ZNF445: variants seen among roughly 807,000 people sequenced by gnomAD.
The protein encoded by ZNF445 is zinc finger protein 168.
In ZNF445, 19 loss-of-function variants were observed where a neutral mutation model predicts 93.9. The observed-to-expected ratio is 0.20, with a 90% confidence interval of 0.14 to 0.30. The LOEUF is 0.30. Ranked by LOEUF, ZNF445 falls within the 10% of genes least tolerant of loss-of-function variation. ZNF445 has a pLI of 1.00. For missense variants in ZNF445, 1,058 were observed against 1,259.4 expected (o/e 0.84, Z 2.42); for synonymous variants, 449 against 446.3 (o/e 1.01, Z -0.08).
At chr3:44,473,577 C>A (rs1164646227) in intron 1 of ZNF445, among the ~76,000 whole-genome samples, 5 of 151,280 alleles carry the variant, frequency 3.3e-5, no homozygotes, top group African/African-American at 1.2e-4. Context: ...AATGGGAGTG[C>A]CCAAAATTTG....
intron 1 of ZNF445, among the ~76,000 whole-genome samples, chr3:44,477,165 A>G (rs1366903162): frequency 6.6e-6 from 1 of 152,216 alleles, no homozygotes; most frequent in Non-Finnish European, 1.5e-5. Flanking sequence ...AAGCAAGAGC[A>G]CGCTCTCATT....
chr3:44,475,964 A>G (rs1463010513), intron 1 of ZNF445, among the ~76,000 whole-genome samples: 1 of 152,208 alleles, frequency 6.6e-6, no homozygotes, highest in South Asian at 2.1e-4. Flanking sequence ...GCACCACTGC[A>G]CTCCAGCCTG....
intron 2 of ZNF445, among the ~76,000 whole-genome samples, chr3:44,456,451 CA>C (rs1462997844): frequency 6.6e-6 from 1 of 151,848 alleles, no homozygotes; most frequent in African/African-American, 2.4e-5. Flanking sequence ...CAAACAAAAC[CA>C]AAAAACAATT....
At chr3:44,466,204 A>T (rs1698192639) in intron 1 of ZNF445, among the ~76,000 whole-genome samples, 1 of 152,092 alleles carries the variant, frequency 6.6e-6, no homozygotes, top group Non-Finnish European at 1.5e-5. Context: ...TTTTGGAGTT[A>T]TCATTTTGGC....
chr3:44,453,701 G>T (rs1697987110), intron 3 of ZNF445, among the ~76,000 whole-genome samples: 1 of 152,186 alleles, frequency 6.6e-6, no homozygotes, highest in East Asian at 1.9e-4. Context: ...CAGGAGAAGG[G>T]CAGGAAGAAC....
rs1559389908 is a variant in ZNF445 at position 44,446,356 on chromosome 3, G to A, written c.*219C>T. ...CCACTCCTAGGGGCCGGAGTCTCCA[G>A]AAGGGCTCCAAAGGACATGGTGCTG... On this transcript the variant is annotated 3_prime_UTR_variant, in exon 8 of 8. Coordinates refer to ENST00000396077, the MANE Select transcript of ZNF445 (RefSeq NM_181489.6). This position sits in a 1 kb window ranked among gnomAD's most constrained non-coding sequence, Gnocchi z 4.2. The A allele has an allele frequency of 4.8e-6, 3 of 627,968 alleles. No individual in the cohort carries two copies. The Admixed American group carries it at 9.3e-5, about 19-fold the overall frequency. The allele number at this position is 627,968 out of a possible 1,614,324, so 38.9% of individuals were successfully genotyped here.
intron 1 of ZNF445, among the ~76,000 whole-genome samples, chr3:44,473,353 C>T (rs569296596): frequency 6.6e-6 from 1 of 151,820 alleles, no homozygotes; most frequent in East Asian, 1.9e-4. Flanking sequence ...ACTCGGGAGG[C>T]TGAGGCAGGA....
intron 1 of ZNF445, among the ~76,000 whole-genome samples, chr3:44,475,220 C>A (rs557293326): frequency 1.9e-3 from 293 of 151,994 alleles, no homozygotes; most frequent in African/African-American, 6.8e-3. Flanking sequence ...TTTTTTGAGA[C>A]GGAGTTTCAC....
chr3:44,435,185 C>T lies in ZNF445; in HGVS notation c.*11390G>A, dbSNP rs775522941. 2.6e-5 allele frequency: 4 copies of T among 152,210 alleles called. No individual in the cohort carries two copies. Among genetic ancestry groups the T allele is most frequent in the South Asian group, 4.1e-4 (2 of 4,828 alleles). 9.4% of individuals were successfully genotyped at this position (152,210 alleles called of 1,614,324 possible). A position where few individuals can be genotyped will look rare whatever the true frequency, so the allele number is the denominator to read the frequency against. On this transcript the variant is annotated 3_prime_UTR_variant, in exon 8 of 8. Coordinates refer to ENST00000396077, the MANE Select transcript of ZNF445 (RefSeq NM_181489.6). ...CAATCACCTTTCCCCATGCCTCAGACCACCCTACTTCTCTAACCTATAAAT... is the reference window on the plus strand; with the variant it reads ...CAATCACCTTTCCCCATGCCTCAGATCACCCTACTTCTCTAACCTATAAAT...
intron 5 of ZNF445, 42 bp from the exon 6 acceptor site, chr3:44,450,615 G>T (rs73072625): frequency 0.015 from 24,244 of 1,597,578 alleles, 246 homozygotes; most frequent in Non-Finnish European, 0.017. Context: ...ACAGCTCCCA[G>T]CTTTGAGGTG....
intron 5 of ZNF445, 105 bp downstream of exon 5, chr3:44,450,763 G>T: frequency 7.8e-7 from 1 of 1,284,256 alleles, no homozygotes; most frequent in Non-Finnish European, 1.1e-6. Flanking sequence ...ACGGGTCTTT[G>T]GATGTGAGAT....
chr3:44,450,610 T>C (rs763844098), intron 5 of ZNF445, 37 bp from the exon 6 acceptor site: 6 of 1,601,318 alleles, frequency 3.7e-6, no homozygotes, highest in Non-Finnish European at 5.1e-6. Context: ...GGTCCACAGC[T>C]CCCAGCTTTG....
At chr3:44,457,494 G>T (rs1698045117) in intron 2 of ZNF445, among the ~76,000 whole-genome samples, 1 of 152,032 alleles carries the variant, frequency 6.6e-6, no homozygotes. Context: ...CTGGCCTCAG[G>T]TGATCAATCC....
intron 3 of ZNF445, 138 bp downstream of exon 3, chr3:44,454,983 T>G: frequency 9.2e-7 from 1 of 1,081,460 alleles, no homozygotes; most frequent in Non-Finnish European, 1.3e-6. Context: ...TCTCAGCTGC[T>G]CAGGTACCAT....
Position 44,431,859 on chromosome 3 carries a change from A to C in ZNF445, c.*14716T>G, listed in dbSNP as rs1029828337. 4 of 152,354 alleles carry C rather than the reference A, an allele frequency of 2.6e-5. No individual in the cohort carries two copies. Among genetic ancestry groups the C allele is most frequent in the South Asian group, 2.1e-4 (1 of 4,832 alleles). The allele number at this position is 152,354 out of a possible 1,614,324, so 9.4% of individuals were successfully genotyped here. On this transcript the variant is annotated 3_prime_UTR_variant, in exon 8 of 8. Transcript: ENST00000396077. The stretch of plus-strand genomic sequence containing the variant: ...TACTTCTGACCTAAAGGGTGAAAAC[A>C]ACCACAGACAATATGTAAATGAATG...
chr3:44,435,300 T>C lies in ZNF445; in HGVS notation c.*11275A>G, dbSNP rs1365069852. ...GCCTTGTGAATAATTCTTCTCTCTT[T>C]TGCAAAACCCATGTCACAGTGATTG... On this transcript the variant is annotated 3_prime_UTR_variant, in exon 8 of 8. Coordinates refer to ENST00000396077, the MANE Select transcript of ZNF445 (RefSeq NM_181489.6). 1 of 152,142 alleles carries C rather than the reference T, an allele frequency of 6.6e-6. No homozygotes were observed. Among genetic ancestry groups the C allele is most frequent in the Non-Finnish European group, 1.5e-5 (1 of 68,026 alleles). The allele number at this position is 152,142 out of a possible 1,614,324, so 9.4% of individuals were successfully genotyped here. A position where few individuals can be genotyped will look rare whatever the true frequency, so the allele number is the denominator to read the frequency against.
At chr3:44,475,036 A>C (rs1177047345) in intron 1 of ZNF445, among the ~76,000 whole-genome samples, 1 of 152,046 alleles carries the variant, frequency 6.6e-6, no homozygotes, top group Non-Finnish European at 1.5e-5. Flanking sequence ...GGGGCGGGGC[A>C]GAGGTTGCAG....
rs151168846 is a variant in ZNF445 at position 44,455,578 on chromosome 3, G to C, written c.-29C>G. The C allele has an allele frequency of 6.6e-4, 1,017 of 1,532,064 alleles. 9 individuals carry two copies. The African/African-American group carries it at 0.013, about 19-fold the overall frequency. 94.9% of individuals were successfully genotyped at this position (1,532,064 alleles called of 1,614,324 possible). On this transcript the variant is annotated 5_prime_UTR_variant, in exon 3 of 8. Coordinates refer to ENST00000396077, the MANE Select transcript of ZNF445 (RefSeq NM_181489.6). ...TCCTGTTCAGGGACTAACCAGAAGA[G>C]TGCGAACCAAGTCCACCTTAGACGT... is the stretch of plus-strand genomic sequence containing the variant.
At chr3:44,467,034 G>T (rs1005679135) in intron 1 of ZNF445, among the ~76,000 whole-genome samples, 3 of 152,096 alleles carry the variant, frequency 2.0e-5, no homozygotes, top group Non-Finnish European at 2.9e-5. Flanking sequence ...ATCAGATATA[G>T]GACTCTAAGT....
Sources: allele counts gnomAD v4.1 joint callset (sites outside exome capture counted in the v4.1 genomes callset), GRCh38; gene constraint gnomAD v4.1.1; non-coding constraint Gnocchi (gnomAD v3.1); transcripts MANE v1.5; gene names NCBI Gene and HGNC (gene_info 2026-07-23, HGNC 2026-07-21).